Variants in MEIKIN observed in about 807,000 individuals in gnomAD.
The protein encoded by MEIKIN is meiotic kinetochore factor, also known as meiosis-specific kinetochore protein.
At chr5:131,831,642 G>A (rs944588178) in intron 11 of MEIKIN, among the ~76,000 whole-genome samples, 14 of 152,048 alleles carry the variant, frequency 9.2e-5, no homozygotes, top group Admixed American at 9.2e-4. Context: ...GTTTTTTTGT[G>A]ATTGTAACTG....
intron 11 of MEIKIN, among the ~76,000 whole-genome samples, chr5:131,846,371 A>T (rs1203266227): frequency 6.6e-6 from 1 of 152,232 alleles, no homozygotes; most frequent in Non-Finnish European, 1.5e-5. Context: ...AGGGGCAATT[A>T]TAAAAGCTAC....
At chr5:131,904,691 C>A (rs926537083) in intron 8 of MEIKIN, among the ~76,000 whole-genome samples, 6 of 152,116 alleles carry the variant, frequency 3.9e-5, no homozygotes, top group African/African-American at 2.4e-5. Context: ...CACATGCACA[C>A]GTATGCTTAT....
At chr5:131,908,018 A>G (rs1211367981) in intron 8 of MEIKIN, among the ~76,000 whole-genome samples, 3 of 152,218 alleles carry the variant, frequency 2.0e-5, no homozygotes, top group Non-Finnish European at 4.4e-5. Flanking sequence ...AAGAAGTACT[A>G]ATACCAATCC....
intron 6 of MEIKIN, among the ~76,000 whole-genome samples, chr5:131,918,339 G>T (rs1160038388): frequency 6.6e-6 from 1 of 152,180 alleles, no homozygotes; most frequent in Non-Finnish European, 1.5e-5. Flanking sequence ...AATACTGTTA[G>T]ATTTTTTGAC....
At chr5:131,893,364 C>A (rs1326543129) in intron 8 of MEIKIN, among the ~76,000 whole-genome samples, 1 of 152,236 alleles carries the variant, frequency 6.6e-6, no homozygotes, top group Admixed American at 6.5e-5. Context: ...ATGAGCAAGG[C>A]TCCATGGGCG....
At chr5:131,852,258 C>T (rs1750127963) in intron 10 of MEIKIN, among the ~76,000 whole-genome samples, 1 of 151,878 alleles carries the variant, frequency 6.6e-6, no homozygotes, top group Admixed American at 6.6e-5. Flanking sequence ...GTGAGTTTTC[C>T]CGAGATCTGA....
intron 3 of MEIKIN, among the ~76,000 whole-genome samples, chr5:131,943,952 T>C (rs1751918107): frequency 1.3e-5 from 2 of 152,080 alleles, no homozygotes; most frequent in South Asian, 2.1e-4. Context: ...ACCCCCTCTA[T>C]ACAAAAATTA....
chr5:131,911,659 T>G (rs1751336944), intron 8 of MEIKIN, among the ~76,000 whole-genome samples, 156 bp downstream of exon 8: 1 of 151,976 alleles, frequency 6.6e-6, no homozygotes, highest in African/African-American at 2.4e-5. Flanking sequence ...CCACATATCT[T>G]CATTTCTTAA....
chr5:131,876,653 C>T (rs1172140059), intron 9 of MEIKIN, among the ~76,000 whole-genome samples: 35 of 151,066 alleles, frequency 2.3e-4, no homozygotes, highest in African/African-American at 8.6e-4. Flanking sequence ...TGGGTATATA[C>T]CCAAAGGATT....
Position 131,878,998 on chromosome 5 carries a change from G to C in MEIKIN, c.754C>G (p.Pro252Ala). 2.5e-6 allele frequency: 1 copy of C among 398,250 alleles called. No individual in the cohort carries two copies. Among genetic ancestry groups the C allele is most frequent in the Non-Finnish European group, 4.4e-6 (1 of 225,820 alleles). The allele number at this position is 398,250 out of a possible 1,614,324, so 24.7% of individuals were successfully genotyped here. A position where few individuals can be genotyped will look rare whatever the true frequency, so the allele number is the denominator to read the frequency against. The change falls in exon 9 of 13, where the codon CCT becomes GCT. Residue 252 changes from proline (P) to alanine (A), a missense_variant. Coordinates refer to ENST00000442687, the MANE Select transcript of MEIKIN (RefSeq NM_001303622.2). ...CTTGCTTTTTTCTTTGTTTTTTCAG[G>C]GGTTGAAGGGCAAGTTTTCTCAGCA... ...LLAEKTCPST[P>A]EKTKKKKTNS... is the part of the protein sequence containing the mutation.
At chr5:131,882,640 A>G (rs1750718815) in intron 8 of MEIKIN, among the ~76,000 whole-genome samples, 1 of 152,222 alleles carries the variant, frequency 6.6e-6, no homozygotes, top group Non-Finnish European at 1.5e-5. Flanking sequence ...CTCTAAGATG[A>G]TCTAAGATGT....
At chr5:131,905,027 C>T (rs1443586335) in intron 8 of MEIKIN, among the ~76,000 whole-genome samples, 2 of 151,978 alleles carry the variant, frequency 1.3e-5, no homozygotes, top group Non-Finnish European at 2.9e-5. Context: ...GGAGACATAC[C>T]TAATGTAGGT....
chr5:131,942,672 C>G lies in MEIKIN; in HGVS notation c.312G>C (p.Gln104His), dbSNP rs575113644. The G allele has an allele frequency of 2.5e-6, 1 of 398,498 alleles. No individual in the cohort carries two copies. Among genetic ancestry groups the G allele is most frequent in the Admixed American group, 4.4e-5 (1 of 22,726 alleles). The allele number at this position is 398,498 out of a possible 1,614,324, so 24.7% of individuals were successfully genotyped here. Residue 104 changes from glutamine (Q) to histidine (H), a missense_variant, in exon 4 of 13, where the codon CAG becomes CAC. Physicochemically the swap from Gln to His is conservative, Grantham distance 24. Transcript: ENST00000442687. ...CACTATTTGATGAACTACTATCAAC[C>G]TGGAGGTCATCAGTAACTGATTCCT... ...SLRESVTDDL[Q>H]VDSSSSNSEL...
chr5:131,815,533 C>T (rs1773086568), intron 12 of MEIKIN, among the ~76,000 whole-genome samples: 2 of 152,206 alleles, frequency 1.3e-5, no homozygotes, highest in East Asian at 3.8e-4. Context: ...GAAATTCCTC[C>T]ACAGGAGACT....
At chr5:131,913,280 T>C (rs1751359786) in intron 7 of MEIKIN, among the ~76,000 whole-genome samples, 2 of 152,232 alleles carry the variant, frequency 1.3e-5, no homozygotes, top group South Asian at 4.1e-4. Flanking sequence ...TTCAAGATGA[T>C]CATAATTAGC....
At chr5:131,840,744 T>C (rs1172682116) in intron 11 of MEIKIN, among the ~76,000 whole-genome samples, 1 of 152,218 alleles carries the variant, frequency 6.6e-6, no homozygotes, top group Non-Finnish European at 1.5e-5. Flanking sequence ...TGTTAGCTCC[T>C]GTATCATTTT....
intron 9 of MEIKIN, among the ~76,000 whole-genome samples, chr5:131,871,742 A>AC (rs900148058): frequency 6.6e-6 from 1 of 152,010 alleles, no homozygotes; most frequent in African/African-American, 2.4e-5. Flanking sequence ...ACTGGGAGGC[A>AC]CCCCCCAGTA....
intron 7 of MEIKIN, among the ~76,000 whole-genome samples, chr5:131,914,459 G>C (rs1012553684): frequency 2.0e-5 from 3 of 148,564 alleles, no homozygotes; most frequent in Non-Finnish European, 4.5e-5. Context: ...TGGAAGGAAG[G>C]GGAGAGAGAG....
intron 11 of MEIKIN, among the ~76,000 whole-genome samples, chr5:131,824,272 TG>T (rs1749571237): frequency 4.0e-5 from 6 of 151,850 alleles, no homozygotes; most frequent in Admixed American, 3.9e-4. Context: ...CCCAGCACTT[TG>T]GGAGGCCAAA....
Sources: allele counts gnomAD v4.1 joint callset (sites outside exome capture counted in the v4.1 genomes callset), GRCh38; gene constraint gnomAD v4.1.1; transcripts MANE v1.5; gene names NCBI Gene and HGNC (gene_info 2026-07-23, HGNC 2026-07-21).